Variants in GALNT18 observed in about 807,000 individuals in gnomAD.
The protein encoded by GALNT18 is polypeptide N-acetylgalactosaminyltransferase 18, also known as GalNAc-transferase 18.
In GALNT18, 44 loss-of-function variants were observed where a neutral mutation model predicts 69.5. That is an observed-to-expected ratio of 0.63 (90% confidence interval 0.50 to 0.81). The LOEUF is 0.81. Ranked by LOEUF, GALNT18 falls within the 40% of genes least tolerant of loss-of-function variation. GALNT18 has a pLI of 0.00. For synonymous variants in GALNT18, 364 were observed against 318.2 expected (o/e 1.14, Z -1.53); for missense variants, 715 against 810.0 (o/e 0.88, Z 1.42).
At chr11:11,277,191 CT>C in intron 10 of GALNT18, among the ~76,000 whole-genome samples, 1 of 152,074 alleles carries the variant, frequency 6.6e-6, no homozygotes, top group Non-Finnish European at 1.5e-5. Flanking sequence ...ATTTCAGAGC[CT>C]GTTATTGGTC....
intron 3 of GALNT18, among the ~76,000 whole-genome samples, chr11:11,414,376 C>T (rs1854804295): frequency 6.6e-6 from 1 of 152,214 alleles, no homozygotes; most frequent in Non-Finnish European, 1.5e-5. Flanking sequence ...AATACCATCT[C>T]AAGCCATCCT....
At chr11:11,485,629 T>C (rs1204442864) in intron 1 of GALNT18, among the ~76,000 whole-genome samples, 1 of 152,110 alleles carries the variant, frequency 6.6e-6, no homozygotes, top group Non-Finnish European at 1.5e-5. Flanking sequence ...GGCTGGCAGG[T>C]GGGCATACAA....
intron 1 of GALNT18, among the ~76,000 whole-genome samples, chr11:11,491,482 G>A (rs529002798): frequency 2.0e-5 from 3 of 152,278 alleles, no homozygotes; most frequent in South Asian, 4.1e-4. Context: ...TTAAAAAGCC[G>A]ATTGATTTGC....
intron 9 of GALNT18, among the ~76,000 whole-genome samples, chr11:11,322,915 A>G (rs552673875): frequency 6.6e-6 from 1 of 152,278 alleles, no homozygotes; most frequent in African/African-American, 2.4e-5. Flanking sequence ...TGTGTCTTTC[A>G]TGGCAGAGAG....
rs142359384 is a variant in GALNT18 at position 11,567,909 on chromosome 11, G to A, written c.235+53450C>T. 2.9e-3 allele frequency among the ~76,000 whole-genome samples: 446 copies of A among 152,278 alleles called. 1 individual carries two copies. Among genetic ancestry groups the A allele is most frequent in the African/African-American group, 0.01 (422 of 41,572 alleles). ...CCCAAAACACCCATTCTGGTACAAT[G>A]CATTCGTTAACAGTTACCACCCTCA... On this transcript the variant is annotated intron_variant, in intron 1 of 10. Transcript: ENST00000227756.
rs78643275 is a variant in GALNT18, at chr11:11,427,436, G to A, written c.595+5185C>T. Among the ~76,000 whole-genome samples the A allele has an allele frequency of 5.7e-3, 870 of 152,278 alleles. 10 individuals are homozygous for A. Among genetic ancestry groups the A allele is most frequent in the African/African-American group, 0.02 (820 of 41,550 alleles). On this transcript the variant is annotated intron_variant, in intron 3 of 10. Coordinates refer to ENST00000227756, the MANE Select transcript of GALNT18 (RefSeq NM_198516.3). ...GGAGACACGAGGCGCCAGCATGCAC[G>A]GAACCAGTAATAGAAGCCTGGGAAG...
At chr11:11,548,343 A>G (rs1858110611) in intron 1 of GALNT18, among the ~76,000 whole-genome samples, 1 of 152,188 alleles carries the variant, frequency 6.6e-6, no homozygotes, top group African/African-American at 2.4e-5. Context: ...AGGTAGAAAA[A>G]AGAGAGAGGC....
chr11:11,323,661 T>C (rs1038574), intron 9 of GALNT18, among the ~76,000 whole-genome samples: 30,029 of 152,218 alleles, frequency 0.2, 3,234 homozygotes, highest in African/African-American at 0.27. Flanking sequence ...TCTTGAGGAA[T>C]AGAGCACATT....
Position 11,492,046 on chromosome 11 carries a change from G to A in GALNT18, c.236-43110C>T, listed in dbSNP as rs1856781650. Among the ~76,000 whole-genome samples, 3 of 152,184 alleles carry A rather than the reference G, an allele frequency of 2.0e-5. No individual in the cohort carries two copies. The South Asian group carries it at 6.2e-4, about 31-fold the overall frequency. On this transcript the variant is annotated intron_variant, in intron 1 of 10. Transcript: ENST00000227756. The stretch of plus-strand genomic sequence containing the variant: ...TCTAAAATGAAGAATGTGGGATGCT[G>A]TTTTATTGGCCCAATCAGAATTAAT...
intron 1 of GALNT18, among the ~76,000 whole-genome samples, chr11:11,508,232 C>G (rs1382842392): frequency 1.3e-5 from 2 of 152,168 alleles, no homozygotes; most frequent in African/African-American, 4.8e-5. Context: ...TCCCTCTACA[C>G]ACATATACCC....
chr11:11,393,550 G>A (rs895148558), intron 3 of GALNT18, among the ~76,000 whole-genome samples: 1 of 152,254 alleles, frequency 6.6e-6, no homozygotes, highest in African/African-American at 2.4e-5. Context: ...GGGCTTCCTT[G>A]CTCTCCTTGC....
chr11:11,365,516 A>G (rs1850744932), intron 6 of GALNT18, among the ~76,000 whole-genome samples: 1 of 152,176 alleles, frequency 6.6e-6, no homozygotes, highest in African/African-American at 2.4e-5. Context: ...ATGCTCAGTA[A>G]TGGGGTTGCT....
At chr11:11,319,302 A>G (rs1050377663) in intron 9 of GALNT18, among the ~76,000 whole-genome samples, 4 of 152,240 alleles carry the variant, frequency 2.6e-5, no homozygotes, top group African/African-American at 9.6e-5. Flanking sequence ...AATGCTCAAG[A>G]GAGAAACAAG....
At position 11,332,160 on chromosome 11, in the gene GALNT18, C is replaced by G. The variant is rs965129414; in HGVS notation, c.1416+534G>C. 6.6e-6 allele frequency among the ~76,000 whole-genome samples: 1 copy of G among 152,054 alleles called. No individual in the cohort carries two copies. Among genetic ancestry groups the G allele is most frequent in the Non-Finnish European group, 1.5e-5 (1 of 68,018 alleles). ...TAACTCCAAACCCTATGCTCTGCCC[C>G]CTCCATCTTTCTCCCTCCCATCAGG... On this transcript the variant is annotated intron_variant, in intron 8 of 10. Coordinates refer to ENST00000227756, the MANE Select transcript of GALNT18 (RefSeq NM_198516.3). The surrounding 1 kb of genome is among the most constrained non-coding windows in gnomAD (Gnocchi z 4.3).
In GALNT18 at chr11:11,338,053, C is replaced by T. The variant is rs1160697505; in HGVS notation, c.1278+2766G>A. Among the ~76,000 whole-genome samples, 8 of 151,408 alleles carry T rather than the reference C, an allele frequency of 5.3e-5. No homozygotes were observed. The highest frequency in any genetic ancestry group is 2.0e-4 in the Admixed American group (3 of 15,194). ...CACGATCTCAGCTCACTGGGACCTC[C>T]GCCTCCCAGGTTAAAATGATTCTCT... On this transcript the variant is annotated intron_variant, in intron 7 of 10. Coordinates refer to ENST00000227756, the MANE Select transcript of GALNT18 (RefSeq NM_198516.3). This position sits in a 1 kb window ranked among gnomAD's most constrained non-coding sequence, Gnocchi z 5.3.
chr11:11,373,223 G>C (rs190393099), intron 5 of GALNT18, among the ~76,000 whole-genome samples: 101 of 152,244 alleles, frequency 6.6e-4, no homozygotes, highest in African/African-American at 2.3e-3. Context: ...TGACCAGAGG[G>C]TAAGGGGTGG....
At chr11:11,365,125 A>G (rs541021277) in intron 6 of GALNT18, among the ~76,000 whole-genome samples, 44 of 152,098 alleles carry the variant, frequency 2.9e-4, no homozygotes, top group African/African-American at 1.1e-3. Context: ...CTATGGACCC[A>G]TCCTTTAAGT....
rs1350590411 is a variant in GALNT18 at position 11,480,401 on chromosome 11, A to G, written c.236-31465T>C. Among the ~76,000 whole-genome samples, 2 of 152,036 alleles carry G rather than the reference A, an allele frequency of 1.3e-5. No homozygotes were observed. The highest frequency in any genetic ancestry group is 2.9e-5 in the Non-Finnish European group (2 of 68,022). Reference sequence around the variant, plus strand: ...CCTTGGATAATGGTGAAATCTATTCATTCTCAGTTATCTGTCCATCTTCCT... The same window carrying G: ...CCTTGGATAATGGTGAAATCTATTCGTTCTCAGTTATCTGTCCATCTTCCT... On this transcript the variant is annotated intron_variant, in intron 1 of 10. Coordinates refer to ENST00000227756, the MANE Select transcript of GALNT18 (RefSeq NM_198516.3). The surrounding 1 kb of genome is among the most constrained non-coding windows in gnomAD (Gnocchi z 4.6).
At position 11,372,747 on chromosome 11, in the gene GALNT18, G is replaced by C. The variant is rs990380468; in HGVS notation, c.978-118C>G. ...CTTCCTTCCTTTGCTGCCAGAGCCA[G>C]TGTGAGCCTTGTTCTTGGAGTGGCC... On this transcript the variant is annotated intron_variant, in intron 5 of 10. Transcript: ENST00000227756. This position sits in a 1 kb window ranked among gnomAD's most constrained non-coding sequence, Gnocchi z 4.9. 9 of 802,554 alleles carry C rather than the reference G, an allele frequency of 1.1e-5. No homozygotes were observed. The highest frequency in any genetic ancestry group is 8.4e-5 in the African/African-American group (5 of 59,194). The allele number at this position is 802,554 out of a possible 1,614,324, so 49.7% of individuals were successfully genotyped here.
Sources: allele counts gnomAD v4.1 joint callset (sites outside exome capture counted in the v4.1 genomes callset), GRCh38; gene constraint gnomAD v4.1.1; non-coding constraint Gnocchi (gnomAD v3.1); transcripts MANE v1.5; gene names NCBI Gene and HGNC (gene_info 2026-07-23, HGNC 2026-07-21).